The following MKLN1 variants were observed in gnomAD, a reference collection of about 807,000 sequenced individuals.
MKLN1 encodes muskelin 1, also known as muskelin.
In MKLN1, 18 loss-of-function variants were observed where a neutral mutation model predicts 99.0. That is an observed-to-expected ratio of 0.18 (90% confidence interval 0.13 to 0.27). MKLN1 has a LOEUF of 0.27. Ranked by LOEUF, MKLN1 falls within the 10% of genes least tolerant of loss-of-function variation. The pLI is 1.00. For synonymous variants in MKLN1, 288 were observed against 293.2 expected (o/e 0.98, Z 0.18); for missense variants, 621 against 875.9 (o/e 0.71, Z 3.67).
intron 1 of MKLN1, among the ~76,000 whole-genome samples, chr7:131,347,661 C>T (rs944176598): frequency 6.6e-6 from 1 of 152,062 alleles, no homozygotes; most frequent in Admixed American, 6.6e-5. Context: ...GTCAATAAAT[C>T]CATAATTGGC....
intron 2 of MKLN1, among the ~76,000 whole-genome samples, chr7:131,381,876 T>G (rs1793859363): frequency 6.6e-6 from 1 of 152,222 alleles, no homozygotes; most frequent in African/African-American, 2.4e-5. Context: ...TTTAAACATG[T>G]ACATGCATAC....
chr7:131,111,130 AT>A (rs1342561659), intron 1 of MKLN1, among the ~76,000 whole-genome samples: 1 of 151,994 alleles, frequency 6.6e-6, no homozygotes, highest in African/African-American at 2.4e-5. Context: ...CTAAAACATC[AT>A]TTTTTTTATG....
intron 3 of MKLN1, among the ~76,000 whole-genome samples, chr7:131,258,990 A>T (rs11973084): frequency 1.3e-5 from 2 of 151,856 alleles, no homozygotes; most frequent in African/African-American, 4.8e-5. Flanking sequence ...TTCTAGGGAG[A>T]ATGTGAGGGT....
intron 3 of MKLN1, among the ~76,000 whole-genome samples, chr7:131,257,495 C>G (rs1797673642): frequency 6.6e-6 from 1 of 152,176 alleles, no homozygotes; most frequent in Non-Finnish European, 1.5e-5. Flanking sequence ...GGTAAGCTGG[C>G]CTAGACCTCA....
intron 8 of MKLN1, among the ~76,000 whole-genome samples, chr7:131,427,409 TGTTA>T (rs1290050850): frequency 6.6e-6 from 1 of 152,148 alleles, no homozygotes; most frequent in African/African-American, 2.4e-5. Context: ...GCCTAAAGCG[TGTTA>T]GTTAGAGAGT....
In MKLN1 at chr7:131,167,104, T is replaced by A. The variant is rs1001062313; in HGVS notation, c.-297+24163T>A. Among the ~76,000 whole-genome samples, 11 of 152,144 alleles carry A rather than the reference T, an allele frequency of 7.2e-5. No individual in the cohort carries two copies. The South Asian group carries it at 2.1e-3, about 29-fold the overall frequency. ...CTCTTCCCCATTGTACTGATCAGCATCTGACATACTATTTGTTTACTTGCT... is the reference window on the plus strand; with the variant it reads ...CTCTTCCCCATTGTACTGATCAGCAACTGACATACTATTTGTTTACTTGCT... On this transcript the variant is annotated intron_variant, in intron 2 of 7. Coordinates refer to the MKLN1 transcript ENST00000416992.
At chr7:131,128,774 T>TA (rs1381482141) in intron 1 of MKLN1, among the ~76,000 whole-genome samples, 3 of 1,292 alleles carry the variant, frequency 2.3e-3, no homozygotes, top group African/African-American at 4.7e-3. Context: ...CTGGATAATA[T>TA]TTTTTTTTAG....
chr7:131,465,930 T>C (rs1182947662), intron 14 of MKLN1, among the ~76,000 whole-genome samples: 1 of 152,230 alleles, frequency 6.6e-6, no homozygotes, highest in African/African-American at 2.4e-5. Flanking sequence ...ATTTGTTATA[T>C]GATCAATATT....
At chr7:131,328,225 C>G (rs977570545) in intron 1 of MKLN1, 1 of 539,986 alleles carries the variant, frequency 1.9e-6, no homozygotes, top group African/African-American at 1.9e-5. Context: ...AGGTGTGTGG[C>G]GGATCCGGGG....
At position 131,482,176 on chromosome 7, in the gene MKLN1, C is replaced by T. The variant is rs191135520; in HGVS notation, c.2086+3499C>T. Among the ~76,000 whole-genome samples the T allele has an allele frequency of 1.1e-4, 16 of 152,136 alleles. No individual in the cohort carries two copies. The East Asian group carries it at 3.1e-3, about 29-fold the overall frequency. ...AGTAGGAAAAATCTGGTCTGTAAAGCATGTTGCCTATTTATTTATTTATTC... is the reference window on the plus strand; with the variant it reads ...AGTAGGAAAAATCTGGTCTGTAAAGTATGTTGCCTATTTATTTATTTATTC... On this transcript the variant is annotated intron_variant, in intron 17 of 17. Coordinates refer to ENST00000352689, the MANE Select transcript of MKLN1 (RefSeq NM_013255.5).
intron 3 of MKLN1, among the ~76,000 whole-genome samples, chr7:131,243,844 T>C (rs1317436269): frequency 1.3e-5 from 2 of 152,044 alleles, no homozygotes; most frequent in African/African-American, 4.8e-5. Flanking sequence ...TGAAACCCCG[T>C]CTCTACTAAA....
chr7:131,141,596 A>G (rs898074296), intron 1 of MKLN1, among the ~76,000 whole-genome samples: 3 of 152,190 alleles, frequency 2.0e-5, no homozygotes, highest in African/African-American at 7.2e-5. Context: ...CATACTCAGC[A>G]TGCATAATCA....
At chr7:131,368,405 G>A (rs1399087895) in intron 1 of MKLN1, among the ~76,000 whole-genome samples, 1 of 152,184 alleles carries the variant, frequency 6.6e-6, no homozygotes, top group African/African-American at 2.4e-5. Flanking sequence ...AACTACCTGA[G>A]GCTGGGTGAT....
intron 3 of MKLN1, among the ~76,000 whole-genome samples, chr7:131,298,793 G>A (rs1371462116): frequency 6.6e-6 from 1 of 152,180 alleles, no homozygotes; most frequent in Non-Finnish European, 1.5e-5. Flanking sequence ...AATCGATGGA[G>A]CAATTTTTGT....
chr7:131,416,653 A>G (rs1795024811), intron 8 of MKLN1, among the ~76,000 whole-genome samples: 1 of 151,520 alleles, frequency 6.6e-6, no homozygotes, highest in Non-Finnish European at 1.5e-5. Context: ...CAAAGTCTTG[A>G]TGGTCAGGGT....
intron 9 of MKLN1, among the ~76,000 whole-genome samples, chr7:131,430,181 A>C (rs2116435100): frequency 6.6e-6 from 1 of 152,284 alleles, no homozygotes; most frequent in Non-Finnish European, 1.5e-5. Context: ...CTAATTCATA[A>C]CCCACTGATT....
chr7:131,128,893 C>A (rs1419143581), intron 1 of MKLN1, among the ~76,000 whole-genome samples: 1 of 127,338 alleles, frequency 7.9e-6, no homozygotes, highest in Non-Finnish European at 1.7e-5. Flanking sequence ...TGCCACCTCA[C>A]CTATTTTTTT....
At chr7:131,476,049 A>G (rs1796957247) in intron 16 of MKLN1, among the ~76,000 whole-genome samples, 1 of 152,194 alleles carries the variant, frequency 6.6e-6, no homozygotes, top group Admixed American at 6.5e-5. Flanking sequence ...ATGAAGGAGG[A>G]AAACCATAGA....
intron 12 of MKLN1, among the ~76,000 whole-genome samples, chr7:131,457,420 T>C (rs900977572): frequency 6.6e-6 from 1 of 151,776 alleles, no homozygotes; most frequent in Non-Finnish European, 1.5e-5. Flanking sequence ...ATGAAAAATA[T>C]AATGAAAATG....
Sources: allele counts gnomAD v4.1 joint callset (sites outside exome capture counted in the v4.1 genomes callset), GRCh38; gene constraint gnomAD v4.1.1; transcripts MANE v1.5; gene names NCBI Gene and HGNC (gene_info 2026-07-23, HGNC 2026-07-21).